KLRG2: variants seen among roughly 807,000 people sequenced by gnomAD.
KLRG2 encodes the protein killer cell lectin-like receptor subfamily G member 2.
Under a neutral mutation model 35.4 loss-of-function variants are expected in KLRG2, and 39 were observed. The ratio of observed to expected loss-of-function variants is 1.10; its 90% confidence interval spans 0.85 to 1.44. The LOEUF is 1.44. Among genes scored for constraint, KLRG2 ranks in the 40% most tolerant of loss-of-function variants. KLRG2 has a pLI of 0.00. For missense variants in KLRG2, 632 were observed against 570.9 expected (o/e 1.11, Z -1.09); for synonymous variants, 283 against 265.8 (o/e 1.06, Z -0.63).
chr7:139,481,653 G>T (rs1219261601), intron 1 of KLRG2, among the ~76,000 whole-genome samples: 2 of 152,174 alleles, frequency 1.3e-5, no homozygotes, highest in African/African-American at 2.4e-5. Flanking sequence ...GGCTGGCCCG[G>T]TGGTTCACAC....
chr7:139,474,172 A>C (rs1322231591), intron 3 of KLRG2, among the ~76,000 whole-genome samples: 1 of 152,018 alleles, frequency 6.6e-6, no homozygotes, highest in Non-Finnish European at 1.5e-5. Context: ...GTGTGCCACC[A>C]TGCCTAGCTA....
the KLRG2 span, among the ~76,000 whole-genome samples, chr7:139,435,123 G>A: frequency 6.6e-6 from 1 of 152,184 alleles, no homozygotes; most frequent in South Asian, 2.1e-4. Flanking sequence ...AAACCTGTAA[G>A]AGATGCCTAA....
chr7:139,461,570 C>G (rs878917296), intron 3 of KLRG2, among the ~76,000 whole-genome samples: 2 of 152,086 alleles, frequency 1.3e-5, no homozygotes, highest in South Asian at 2.1e-4. Flanking sequence ...ACTGAAAATG[C>G]CCTGTTCCTG....
rs78991492 is a variant in KLRG2, at chr7:139,453,985, C to T, written c.1109+126G>A. On this transcript the variant is annotated intron_variant, in intron 4 of 4. Coordinates refer to ENST00000340940, the MANE Select transcript of KLRG2 (RefSeq NM_198508.4). ...CAGGGTCTAATCAGGCACCAGGCCG[C>T]GAGCATGGGCGTGGGCTGCTTTCCA... 3,053 of 714,676 alleles carry T rather than the reference C, an allele frequency of 4.3e-3. 74 individuals carry two copies. The African/African-American group carries it at 0.048, about 11-fold the overall frequency. The allele number at this position is 714,676 out of a possible 1,614,324, so 44.3% of individuals were successfully genotyped here.
the KLRG2 span, among the ~76,000 whole-genome samples, chr7:139,445,765 A>ATGTATATATATATATGTATATATATATG: frequency 8.4e-6 from 1 of 118,758 alleles, no homozygotes; most frequent in African/African-American, 5.4e-5. Context: ...ATATATGTGT[A>ATGTATATATATATATGTATATATATATG]TGTATATATA....
the KLRG2 span, among the ~76,000 whole-genome samples, chr7:139,446,095 G>A: frequency 2.6e-5 from 4 of 151,824 alleles, no homozygotes; most frequent in African/African-American, 2.4e-5. Context: ...CGCCCGCCTC[G>A]GCCTCCCAGT....
downstream of KLRG2, among the ~76,000 whole-genome samples, chr7:139,450,984 C>T (rs1481900575): frequency 6.6e-6 from 1 of 152,102 alleles, no homozygotes; most frequent in Non-Finnish European, 1.5e-5. Flanking sequence ...TGAGGAAGTC[C>T]AAGCAGCCAT....
At chr7:139,428,257 TTGTTTTC>T in the KLRG2 span, among the ~76,000 whole-genome samples, 1 of 152,278 alleles carries the variant, frequency 6.6e-6, no homozygotes, top group South Asian at 2.1e-4. Context: ...TTTTTGTTTT[TTGTTTTC>T]AGACAGGGTC....
Position 139,453,986 on chromosome 7 carries a change from G to A in KLRG2, c.1109+125C>T, listed in dbSNP as rs531613488. 9.2e-5 allele frequency: 66 copies of A among 718,052 alleles called. No individual in the cohort carries two copies. In the East Asian group the frequency reaches 1.5e-3, roughly 17 times the overall value. The allele number at this position is 718,052 out of a possible 1,614,324, so 44.5% of individuals were successfully genotyped here. A position where few individuals can be genotyped will look rare whatever the true frequency, so the allele number is the denominator to read the frequency against. On this transcript the variant is annotated intron_variant, in intron 4 of 4. Transcript: ENST00000340940. ...AGGGTCTAATCAGGCACCAGGCCGC[G>A]AGCATGGGCGTGGGCTGCTTTCCAA... is the stretch of plus-strand genomic sequence containing the variant.
the KLRG2 span, among the ~76,000 whole-genome samples, chr7:139,443,293 C>T: frequency 1.7e-3 from 259 of 151,878 alleles, no homozygotes; most frequent in Non-Finnish European, 1.9e-3. Context: ...ACCATGTCCG[C>T]CAGGCTGGTC....
chr7:139,477,960 G>T (rs1018479725), intron 3 of KLRG2, among the ~76,000 whole-genome samples: 4 of 151,726 alleles, frequency 2.6e-5, no homozygotes, highest in Non-Finnish European at 5.9e-5. Context: ...GGGTTTCACC[G>T]TGTTAGCCAA....
At chr7:139,442,373 C>G in the KLRG2 span, among the ~76,000 whole-genome samples, 1 of 152,210 alleles carries the variant, frequency 6.6e-6, no homozygotes, top group Non-Finnish European at 1.5e-5. Context: ...ATAGCCCAGG[C>G]CCTTCAACTC....
chr7:139,441,112 T>A, the KLRG2 span, among the ~76,000 whole-genome samples: 3 of 152,262 alleles, frequency 2.0e-5, no homozygotes. Context: ...TAGGCATCAA[T>A]CCCATTACTG....
At chr7:139,446,336 GTTTTTTTTT>G in the KLRG2 span, among the ~76,000 whole-genome samples, 1 of 92,050 alleles carries the variant, frequency 1.1e-5, no homozygotes, top group Non-Finnish European at 2.0e-5. Context: ...ATTTTCCAGG[GTTTTTTTTT>G]TTTTTTTTTT....
At chr7:139,473,565 T>C (rs973787814) in intron 3 of KLRG2, among the ~76,000 whole-genome samples, 1 of 152,140 alleles carries the variant, frequency 6.6e-6, no homozygotes, top group African/African-American at 2.4e-5. Context: ...GAGGAAATTT[T>C]CTAACATGCA....
At chr7:139,430,677 G>C in the KLRG2 span, among the ~76,000 whole-genome samples, 1 of 152,108 alleles carries the variant, frequency 6.6e-6, no homozygotes, top group Non-Finnish European at 1.5e-5. Context: ...ATTCATAGCA[G>C]CTGTATTCAT....
chr7:139,466,231 A>G lies in KLRG2; in HGVS notation c.1006-12017T>C, dbSNP rs149596597. 8.6e-4 allele frequency among the ~76,000 whole-genome samples: 131 copies of G among 152,296 alleles called. 4 individuals carry two copies. Among genetic ancestry groups the G allele is most frequent in the Non-Finnish European group, 9.1e-4 (62 of 68,036 alleles). The stretch of plus-strand genomic sequence containing the variant: ...CTCACATGCCCCGGGTCAGAAAACT[A>G]AAATACCTCTTGGTCTGGGTAAACA... On this transcript the variant is annotated intron_variant, in intron 3 of 4. Coordinates refer to ENST00000340940, the MANE Select transcript of KLRG2 (RefSeq NM_198508.4).
At chr7:139,451,050 T>C (rs1348537499), downstream of KLRG2, among the ~76,000 whole-genome samples, 4 of 152,180 alleles carry the variant, frequency 2.6e-5, no homozygotes, top group Admixed American at 6.5e-5. Context: ...CTGCACCGCA[T>C]TGCTGGCTGA....
Position 139,483,210 on chromosome 7 carries a change from TG to T in KLRG2, c.432del (p.Arg145GlyfsTer105). 2 of 1,528,392 alleles carry T rather than the reference TG, an allele frequency of 1.3e-6. No homozygotes were observed. The allele number at this position is 1,528,392 out of a possible 1,614,324, so 94.7% of individuals were successfully genotyped here. On this transcript the variant is annotated frameshift_variant, in exon 1 of 5. Transcript: ENST00000340940. LOFTEE classifies it high-confidence loss of function. ...ACCTTGAGGAAGCGCGTGGAGGGCC[TG>T]GGCGATGGCGTGCTGCTGCCACCGG... ...GAAGGSSTPS[P>X]RPSTRFLKVP...
Sources: gnomAD v4.1 joint callset for allele counts (sites outside exome capture counted in the v4.1 genomes callset) on GRCh38, gnomAD v4.1.1 for gene constraint, MANE v1.5 for transcripts, NCBI Gene and HGNC (gene_info 2026-07-23, HGNC 2026-07-21) for gene names.